Variants in LDLRAD3 observed in about 807,000 individuals in gnomAD.
The protein encoded by LDLRAD3 is low density lipoprotein receptor class A domain containing 3, also known as low-density lipoprotein receptor class A domain-containing protein 3.
A neutral mutation model predicts 29.4 loss-of-function variants in LDLRAD3; 20 were observed. That is an observed-to-expected ratio of 0.68 (90% confidence interval 0.48 to 0.99). LDLRAD3 has a LOEUF of 0.99. Ranked by LOEUF, LDLRAD3 falls within the 50% of genes least tolerant of loss-of-function variation. The pLI, the probability that LDLRAD3 is intolerant of heterozygous loss-of-function variation, is 0.00. For synonymous variants in LDLRAD3, 157 were observed against 192.7 expected (o/e 0.81, Z 1.53); for missense variants, 420 against 454.3 (o/e 0.92, Z 0.69).
chr11:36,030,997 A>G (rs758346990), intron 1 of LDLRAD3, among the ~76,000 whole-genome samples: 1 of 152,254 alleles, frequency 6.6e-6, no homozygotes, highest in Non-Finnish European at 1.5e-5. Flanking sequence ...CTTGTCAAAT[A>G]TAAATTTGTG....
intron 3 of LDLRAD3, among the ~76,000 whole-genome samples, chr11:36,094,813 A>T (rs1187156550): frequency 2.0e-5 from 3 of 152,204 alleles, no homozygotes; most frequent in African/African-American, 4.8e-5. Flanking sequence ...CTGGGATTAC[A>T]GGTGTGAGTC....
chr11:35,994,008 G>T (rs999098733), intron 1 of LDLRAD3, among the ~76,000 whole-genome samples: 4 of 152,094 alleles, frequency 2.6e-5, no homozygotes, highest in African/African-American at 9.7e-5. Context: ...AAGGAATTCA[G>T]TGTTGGTAAA....
intron 4 of LDLRAD3, among the ~76,000 whole-genome samples, chr11:36,103,268 G>T (rs1275043639): frequency 7.8e-6 from 1 of 128,200 alleles, no homozygotes; most frequent in Admixed American, 9.6e-5. Flanking sequence ...GTGGAGTCTC[G>T]CTCTGTCACC....
intron 4 of LDLRAD3, among the ~76,000 whole-genome samples, chr11:36,128,850 A>C (rs553604950): frequency 7.7e-6 from 1 of 130,518 alleles, no homozygotes; most frequent in Non-Finnish European, 1.8e-5. Flanking sequence ...CTGTGTCTCA[A>C]GGAAAAAAAA....
At chr11:36,049,741 G>A (rs1159608445) in intron 2 of LDLRAD3, among the ~76,000 whole-genome samples, 1 of 152,172 alleles carries the variant, frequency 6.6e-6, no homozygotes, top group East Asian at 1.9e-4. Context: ...GCACTGCAGA[G>A]CTTTAGGTTA....
chr11:36,161,867 A>G (rs1242680082), intron 4 of LDLRAD3, among the ~76,000 whole-genome samples: 1 of 152,208 alleles, frequency 6.6e-6, no homozygotes, highest in Non-Finnish European at 1.5e-5. Context: ...ATGGGTGTTC[A>G]TTAAATGTTT....
intron 1 of LDLRAD3, among the ~76,000 whole-genome samples, chr11:36,026,116 A>G (rs1044059576): frequency 1.3e-5 from 2 of 152,180 alleles, no homozygotes; most frequent in East Asian, 1.9e-4. Context: ...ACATTTAAAA[A>G]ATCTGTATGT....
At chr11:35,953,917 A>G (rs1851169143) in intron 1 of LDLRAD3, among the ~76,000 whole-genome samples, 2 of 152,250 alleles carry the variant, frequency 1.3e-5, no homozygotes, top group Admixed American at 1.3e-4. Flanking sequence ...CCCAGCTGGC[A>G]GGAACCTGGG....
chr11:35,949,863 T>C (rs780057237), intron 1 of LDLRAD3, among the ~76,000 whole-genome samples: 5 of 152,250 alleles, frequency 3.3e-5, no homozygotes, highest in Non-Finnish European at 5.9e-5. Context: ...GAAATGCACA[T>C]TGTTTCAGTT....
intron 4 of LDLRAD3, among the ~76,000 whole-genome samples, chr11:36,134,027 C>T (rs747115863): frequency 4.0e-5 from 6 of 151,802 alleles, no homozygotes; most frequent in Non-Finnish European, 5.9e-5. Context: ...GCATGCATAG[C>T]GACCCAGATA....
rs114501435 is a variant in LDLRAD3, at chr11:36,062,057, A to G, written c.194-19596A>G. Among the ~76,000 whole-genome samples, 962 of 151,994 alleles carry G rather than the reference A, an allele frequency of 6.3e-3. 11 individuals are homozygous for G. Among genetic ancestry groups the G allele is most frequent in the African/African-American group, 0.022 (918 of 41,462 alleles). ...ATCTTCTCATTTAATCCTCCCAGCT[A>G]CTCTGTAAGGTCAGTTTCATCTCCC... On this transcript the variant is annotated intron_variant, in intron 2 of 5. Transcript: ENST00000315571.
At chr11:36,099,039 C>A (rs143873557) in intron 4 of LDLRAD3, among the ~76,000 whole-genome samples, 1 of 152,102 alleles carries the variant, frequency 6.6e-6, no homozygotes, top group African/African-American at 2.4e-5. Flanking sequence ...ATAACAACCT[C>A]CCCAAATGCT....
rs1219922670 is a variant in LDLRAD3, at chr11:36,229,373, C to A, written c.1014C>A (p.Pro338=). ...EGTAEPRDSE[P]SQGTEEV is the part of the protein sequence containing the mutation. ...CTGCTGAGCCCAGGGACTCTGAGCCCAGCCAGGGCACTGAAGAAGTATAAG... is the reference window on the plus strand; with the variant it reads ...CTGCTGAGCCCAGGGACTCTGAGCCAAGCCAGGGCACTGAAGAAGTATAAG... The change falls in exon 6 of 6, where the codon CCC becomes CCA. Residue 338 remains proline (P), a synonymous_variant. Transcript: ENST00000315571. 4.3e-6 allele frequency: 7 copies of A among 1,612,822 alleles called. No individual in the cohort carries two copies. Among genetic ancestry groups the A allele is most frequent in the Non-Finnish European group, 3.4e-6 (4 of 1,179,084 alleles).
At chr11:36,097,091 A>G (rs1853371780) in intron 3 of LDLRAD3, among the ~76,000 whole-genome samples, 1 of 152,158 alleles carries the variant, frequency 6.6e-6, no homozygotes, top group Non-Finnish European at 1.5e-5. Context: ...CAGTTGTCAC[A>G]CTTCTTCTTA....
intron 4 of LDLRAD3, among the ~76,000 whole-genome samples, chr11:36,191,576 C>CTCTCTCTCTCTATATATA (rs377747518): frequency 1.5e-4 from 8 of 53,434 alleles, no homozygotes; most frequent in African/African-American, 5.0e-4. Flanking sequence ...CTCTCTCTCT[C>CTCTCTCTCTCTATATATA]TATATATATA....
chr11:35,958,904 C>T (rs1019978983), intron 1 of LDLRAD3, among the ~76,000 whole-genome samples: 3 of 152,042 alleles, frequency 2.0e-5, no homozygotes, highest in East Asian at 3.9e-4. Context: ...GCGCTGCTCT[C>T]GTCTAGATTG....
intron 2 of LDLRAD3, among the ~76,000 whole-genome samples, chr11:36,075,938 G>A (rs1453072406): frequency 6.6e-6 from 1 of 152,068 alleles, no homozygotes; most frequent in African/African-American, 2.4e-5. Context: ...CATGATATTT[G>A]GACACTTATT....
intron 1 of LDLRAD3, among the ~76,000 whole-genome samples, chr11:36,016,892 C>G (rs262422): frequency 0.92 from 139,834 of 152,218 alleles, 65,381 homozygotes; most frequent in Non-Finnish European, 1. Flanking sequence ...TGATGTGGTA[C>G]TATGGCTATA....
intron 1 of LDLRAD3, among the ~76,000 whole-genome samples, chr11:35,989,998 AGCT>A (rs1851667319): frequency 6.6e-6 from 1 of 152,146 alleles, no homozygotes; most frequent in Non-Finnish European, 1.5e-5. Flanking sequence ...GGTGCCTCTT[AGCT>A]AGTAGTTTGG....
Sources: gnomAD v4.1 joint callset for allele counts (sites outside exome capture counted in the v4.1 genomes callset) on GRCh38, gnomAD v4.1.1 for gene constraint, MANE v1.5 for transcripts, NCBI Gene and HGNC (gene_info 2026-07-23, HGNC 2026-07-21) for gene names.